The following KY variants were observed in gnomAD, a reference collection of about 807,000 sequenced individuals.
The protein encoded by KY is kyphoscoliosis peptidase.
A neutral mutation model predicts 76.1 loss-of-function variants in KY; 43 were observed. The ratio of observed to expected loss-of-function variants is 0.57; its 90% CI spans 0.44 to 0.73. KY has a LOEUF of 0.73. Ranked by LOEUF, KY falls within the 30% of genes least tolerant of loss-of-function variation. KY has a pLI of 0.00. For synonymous variants in KY, 277 were observed against 326.2 expected, an observed-to-expected ratio of 0.85 and a Z score of 1.63; for missense variants, 722 against 828.9, an observed-to-expected ratio of 0.87 and a Z score of 1.58.
chr3:134,642,727 A>T (rs1477722977), intron 3 of KY, among the ~76,000 whole-genome samples: 1 of 152,214 alleles, frequency 6.6e-6, no homozygotes, highest in African/African-American at 2.4e-5. Context: ...GAGGGCTTGG[A>T]TGCCATGAGC....
chr3:134,628,756 C>A (rs1180382241), intron 4 of KY, among the ~76,000 whole-genome samples: 1 of 152,140 alleles, frequency 6.6e-6, no homozygotes, highest in Non-Finnish European at 1.5e-5. Flanking sequence ...TATTTTCCTT[C>A]TTTTATAGTT....
intron 8 of KY, among the ~76,000 whole-genome samples, chr3:134,618,226 A>T (rs1961928239): frequency 6.6e-6 from 1 of 152,152 alleles, no homozygotes; most frequent in South Asian, 2.1e-4. Flanking sequence ...GGCCAGGAAT[A>T]GGTTGCATGC....
At chr3:134,626,526 G>A (rs1383227906) in intron 5 of KY, among the ~76,000 whole-genome samples, 1 of 152,134 alleles carries the variant, frequency 6.6e-6, no homozygotes, top group Non-Finnish European at 1.5e-5. Context: ...AGGGACATGT[G>A]GCCTCCCTGC....
chr3:134,605,409 T>C (rs533325890), intron 10 of KY, among the ~76,000 whole-genome samples: 31 of 152,242 alleles, frequency 2.0e-4, no homozygotes, highest in African/African-American at 7.5e-4. Context: ...CCCTAGGAAC[T>C]TTCCCCTAGC....
intron 3 of KY, among the ~76,000 whole-genome samples, chr3:134,634,617 A>G (rs1964676283): frequency 6.6e-6 from 1 of 152,244 alleles, no homozygotes. Flanking sequence ...GAGACATCAC[A>G]TCTATTAGAA....
intron 2 of KY, among the ~76,000 whole-genome samples, chr3:134,644,899 G>A (rs898364779): frequency 6.6e-6 from 1 of 152,218 alleles, no homozygotes; most frequent in African/African-American, 2.4e-5. Flanking sequence ...GGTCCACTGT[G>A]TATTCCAATA....
chr3:134,608,581 G>T, intron 10 of KY, 68 bp downstream of exon 10: 1 of 1,612,944 alleles, frequency 6.2e-7, no homozygotes, highest in South Asian at 1.1e-5. Context: ...TCTCAGGCGG[G>T]CTCCTGGAGG....
In KY at chr3:134,602,614, C is replaced by A. The variant is rs373229448; in HGVS notation, c.*965G>T. Among the ~76,000 whole-genome samples the A allele has an allele frequency of 3.9e-5, 6 of 152,182 alleles. No individual in the cohort carries two copies. The highest frequency in any genetic ancestry group is 3.9e-4 in the East Asian group (2 of 5,176). ...CTACTCACCTGATCTGCGCCCAGGT[C>A]CTTATTCAGGGCTATCCACAAGACT... On this transcript the variant is annotated 3_prime_UTR_variant, in exon 11 of 11. Coordinates refer to ENST00000423778, the MANE Select transcript of KY (RefSeq NM_178554.6).
At chr3:134,614,418 T>C (rs1961120126) in intron 8 of KY, among the ~76,000 whole-genome samples, 3 of 152,090 alleles carry the variant, frequency 2.0e-5, no homozygotes, top group African/African-American at 7.2e-5. Flanking sequence ...TAAGATGCCC[T>C]GAACAAGCTG....
In KY at chr3:134,646,453, T is replaced by G. The variant is rs549886551; in HGVS notation, c.199+982A>C. Among the ~76,000 whole-genome samples the G allele has an allele frequency of 1.8e-4, 28 of 152,162 alleles. 1 individual carries two copies. Among genetic ancestry groups the G allele is most frequent in the Admixed American group, 9.2e-4 (14 of 15,276 alleles). Reference sequence around the variant, plus strand: ...ATAATTCCAATCATTTTAATGTAGCTCCCCTGAGGGCAGTGTTCTTGGCTG... The same window carrying G: ...ATAATTCCAATCATTTTAATGTAGCGCCCCTGAGGGCAGTGTTCTTGGCTG... On this transcript the variant is annotated intron_variant, in intron 2 of 10. Transcript: ENST00000423778.
intron 5 of KY, among the ~76,000 whole-genome samples, chr3:134,627,512 T>C (rs1180193989): frequency 1.3e-5 from 2 of 152,212 alleles, no homozygotes; most frequent in Non-Finnish European, 2.9e-5. Context: ...TGGTCTGCCT[T>C]GTTATTGGTG....
rs1202165050 is a variant in KY at position 134,600,397 on chromosome 3, T to G, written c.*3182A>C. Among the ~76,000 whole-genome samples, 1 of 152,226 alleles carries G rather than the reference T, an allele frequency of 6.6e-6. No individual in the cohort carries two copies. Among genetic ancestry groups the G allele is most frequent in the African/African-American group, 2.4e-5 (1 of 41,456 alleles). On this transcript the variant is annotated 3_prime_UTR_variant, in exon 11 of 11. Coordinates refer to ENST00000423778, the MANE Select transcript of KY (RefSeq NM_178554.6). ...CTTTATGTCTAGCCGAAATCCTTCA[T>G]GCTTCAGTTAGTCTATTTATTTACT...
At position 134,604,415 on chromosome 3, in the gene KY, G is replaced by A; in HGVS notation, c.1150C>T (p.Leu384Phe). ...AGCCCATGCTCTTGCTTGCCATTGA[G>A]CATGAACATGAACAGCGTCGGGGCG... ...SCAPTLFMFMLNGKQEHGLLS... is the reference protein window; with the variant it reads ...SCAPTLFMFMFNGKQEHGLLS... Residue 384 changes from leucine (L) to phenylalanine (F), a missense_variant, in exon 11 of 11, where the codon CTC becomes TTC. Leu to Phe is a conservative substitution (Grantham distance 22). This residue lies in a region of KY where 552 missense variants were observed against 680.9 expected (regional missense o/e 0.81). Transcript: ENST00000423778. 6.2e-7 allele frequency: 1 copy of A among 1,613,982 alleles called. No homozygotes were observed. The highest frequency in any genetic ancestry group is 1.7e-4 in the Middle Eastern group (1 of 6,024).
At chr3:134,612,095 C>T (rs1960574996) in intron 8 of KY, among the ~76,000 whole-genome samples, 1 of 152,162 alleles carries the variant, frequency 6.6e-6, no homozygotes, top group South Asian at 2.1e-4. Context: ...AAAGTCCGGG[C>T]CACTAGTGCT....
At chr3:134,624,365 C>T (rs903500153) in intron 6 of KY, among the ~76,000 whole-genome samples, 8 of 152,242 alleles carry the variant, frequency 5.3e-5, no homozygotes, top group African/African-American at 1.7e-4. Flanking sequence ...GATCCATGCA[C>T]TCACCATCCA....
intron 8 of KY, chr3:134,613,314 C>T (rs1242760156): frequency 2.0e-5 from 3 of 152,742 alleles, no homozygotes; most frequent in Admixed American, 1.3e-4. Context: ...GGCCGTGTGC[C>T]CAGGGGGACA....
At chr3:134,638,256 A>G (rs551532583) in intron 3 of KY, among the ~76,000 whole-genome samples, 1 of 152,290 alleles carries the variant, frequency 6.6e-6, no homozygotes, top group Non-Finnish European at 1.5e-5. Flanking sequence ...GAGTGGAGAG[A>G]GTTTGCTGGC....
At chr3:134,647,029 G>T (rs1239583750) in intron 2 of KY, among the ~76,000 whole-genome samples, 1 of 152,152 alleles carries the variant, frequency 6.6e-6, no homozygotes, top group Non-Finnish European at 1.5e-5. Flanking sequence ...CCCTTGAGTG[G>T]CATCTTCTCA....
At chr3:134,622,239 G>A (rs1962755260) in intron 6 of KY, among the ~76,000 whole-genome samples, 1 of 152,186 alleles carries the variant, frequency 6.6e-6, no homozygotes, top group Non-Finnish European at 1.5e-5. Context: ...CGAAGGCAGA[G>A]ACTCAAACAG....
Sources: allele counts gnomAD v4.1 joint callset (sites outside exome capture counted in the v4.1 genomes callset), GRCh38; gene constraint gnomAD v4.1.1; regional missense constraint gnomAD v4.1.1; transcripts MANE v1.5; gene names NCBI Gene and HGNC (gene_info 2026-07-23, HGNC 2026-07-21).